The following PPM1A variants were observed in gnomAD, a reference collection of about 807,000 sequenced individuals.
The protein encoded by PPM1A is protein phosphatase, Mg2+/Mn2+ dependent 1A.
A neutral mutation model predicts 35.0 loss-of-function variants in PPM1A; 7 were observed. The ratio of observed to expected loss-of-function variants is 0.20; its 90% CI spans 0.11 to 0.38. The LOEUF is 0.38. PPM1A is among the 10% of genes least tolerant of loss of function. PPM1A has a pLI of 1.00. For missense variants in PPM1A, 239 were observed against 467.8 expected, an observed-to-expected ratio of 0.51 and a Z score of 4.51; for synonymous variants, 153 against 167.3, an observed-to-expected ratio of 0.91 and a Z score of 0.66.
intron 1 of PPM1A, among the ~76,000 whole-genome samples, chr14:60,253,127 TA>T (rs566448840): frequency 6.6e-6 from 1 of 152,256 alleles, no homozygotes; most frequent in Admixed American, 6.5e-5. Flanking sequence ...AAATATGTGA[TA>T]AAGGGGGGAT....
upstream of PPM1A, among the ~76,000 whole-genome samples, chr14:60,249,089 C>T (rs979087529): frequency 3.3e-5 from 5 of 152,002 alleles, no homozygotes; most frequent in African/African-American, 4.8e-5. The surrounding 1 kb of genome is among the most constrained non-coding windows in gnomAD (Gnocchi z 4.5). Flanking sequence ...AGTTCCTGCC[C>T]AACGACATCC....
rs771540938 is a variant in PPM1A, at chr14:60,283,120, T to C, written c.417T>C (p.Thr139=). 8 of 1,614,092 alleles carry C rather than the reference T, an allele frequency of 5.0e-6. No homozygotes were observed. In the Admixed American group the frequency reaches 1.3e-4, roughly 27 times the overall value. Residue 139 remains threonine, a synonymous_variant, in exon 2 of 6, where the codon ACT becomes ACC. Transcript: ENST00000395076. The surrounding 1 kb of genome is among the most constrained non-coding windows in gnomAD (Gnocchi z 6.3). ...GTGTCTTAATTTCTCCCCAACATAC[T>C]TATTTCATTAACTGTGGAGACTCAA... The part of the protein sequence containing the change: ...AVGVLISPQH[T]YFINCGDSRG...
chr14:60,275,452 A>G (rs773002551), intron 1 of PPM1A, among the ~76,000 whole-genome samples: 21 of 152,238 alleles, frequency 1.4e-4, no homozygotes, highest in Admixed American at 7.9e-4. Context: ...CAAGTTATCA[A>G]AATCAAATTT....
upstream of PPM1A, chr14:60,246,114 G>T: frequency 7.1e-7 from 1 of 1,406,962 alleles, no homozygotes; most frequent in Non-Finnish European, 9.5e-7. Flanking sequence ...AGTAGTGACT[G>T]GCTTCAGTGG....
At chr14:60,286,150 A>C (rs1886982386) in intron 3 of PPM1A, 1 of 985,694 alleles carries the variant, frequency 1.0e-6, no homozygotes, top group South Asian at 4.7e-5. Flanking sequence ...ATTAATTTTA[A>C]TCTCTAGGGC....
In PPM1A at chr14:60,296,627, C is replaced by T. The variant is rs1888082914; in HGVS notation, c.*4145C>T. ...TAGAAGCCTAATTTGCTCTTACTTC[C>T]TTCAATTATGTGCCATGTGTTTTGG... On this transcript the variant is annotated 3_prime_UTR_variant, in exon 6 of 6. Transcript: ENST00000395076. This position sits in a 1 kb window ranked among gnomAD's most constrained non-coding sequence, Gnocchi z 4.4. The T allele has an allele frequency of 2.9e-6, 1 of 339,886 alleles. No homozygotes were observed. The highest frequency in any genetic ancestry group is 2.1e-5 in the African/African-American group (1 of 47,466). 21.1% of individuals were successfully genotyped at this position (339,886 alleles called of 1,614,324 possible).
At chr14:60,262,414 T>G (rs1235202750) in intron 1 of PPM1A, among the ~76,000 whole-genome samples, 1 of 152,202 alleles carries the variant, frequency 6.6e-6, no homozygotes, top group Non-Finnish European at 1.5e-5. Flanking sequence ...CCAGGCATAG[T>G]GGCTCAAGCC....
At chr14:60,249,198 G>A, upstream of PPM1A, 4 of 984,364 alleles carry the variant, frequency 4.1e-6, no homozygotes, top group Non-Finnish European at 4.8e-6. The surrounding 1 kb of genome is among the most constrained non-coding windows in gnomAD (Gnocchi z 4.5). Context: ...GCGGTCGTGA[G>A]CGCGCCTGCG....
At chr14:60,245,897 A>C, upstream of PPM1A, 2 of 1,591,076 alleles carry the variant, frequency 1.3e-6, no homozygotes, top group Non-Finnish European at 1.7e-6. The surrounding 1 kb of genome is among the most constrained non-coding windows in gnomAD (Gnocchi z 4.2). Flanking sequence ...ATTTGTACTA[A>C]GCTAATGAAA....
chr14:60,268,592 C>T (rs1245608615), intron 1 of PPM1A, among the ~76,000 whole-genome samples: 1 of 150,208 alleles, frequency 6.7e-6, no homozygotes, highest in Non-Finnish European at 1.5e-5. Context: ...GTGTGTGGTT[C>T]ATTTTTCTTT....
At position 60,282,491 on chromosome 14, in the gene PPM1A, G is replaced by A. The variant is rs1156917944; in HGVS notation, c.-20-193G>A. Among the ~76,000 whole-genome samples, 1 of 152,066 alleles carries A rather than the reference G, an allele frequency of 6.6e-6. No individual in the cohort carries two copies. Among genetic ancestry groups the A allele is most frequent in the Non-Finnish European group, 1.5e-5 (1 of 68,020 alleles). On this transcript the variant is annotated intron_variant, in intron 1 of 5. Transcript: ENST00000395076. The surrounding 1 kb of genome is among the most constrained non-coding windows in gnomAD (Gnocchi z 5.1). ...TTTTTTCTGCCTTTTTGTCTGTTGT[G>A]ATCTGTGCTTCATCAGGCTTTCCCC...
chr14:60,292,602 T>C lies in PPM1A; in HGVS notation c.*120T>C, dbSNP rs1887759448. 1.3e-6 allele frequency: 1 copy of C among 797,108 alleles called. No individual in the cohort carries two copies. Among genetic ancestry groups the C allele is most frequent in the African/African-American group, 1.7e-5 (1 of 57,246 alleles). The allele number at this position is 797,108 out of a possible 1,614,324, so 49.4% of individuals were successfully genotyped here. A position where few individuals can be genotyped will look rare whatever the true frequency, so the allele number is the denominator to read the frequency against. ...GAAGGGGATATGACATGGGTGAGAA[T>C]GATTACATCAGAGAACTTCAGCAGT... is the stretch of plus-strand genomic sequence containing the variant. On this transcript the variant is annotated 3_prime_UTR_variant, in exon 6 of 6. Transcript: ENST00000395076. This position sits in a 1 kb window ranked among gnomAD's most constrained non-coding sequence, Gnocchi z 4.2.
chr14:60,264,847 G>A (rs1412864242), intron 1 of PPM1A, among the ~76,000 whole-genome samples: 1 of 151,440 alleles, frequency 6.6e-6, no homozygotes, highest in African/African-American at 2.4e-5. Flanking sequence ...CACCTATTCT[G>A]GTTTGATTTC....
intron 1 of PPM1A, among the ~76,000 whole-genome samples, chr14:60,265,172 C>T (rs1884225816): frequency 1.3e-5 from 2 of 152,198 alleles, no homozygotes; most frequent in South Asian, 4.1e-4. Flanking sequence ...CAGGATCAGG[C>T]TTCTCTTTCC....
chr14:60,283,127 A>G lies in PPM1A; in HGVS notation c.424A>G (p.Ile142Val). The G allele has an allele frequency of 6.2e-7, 1 of 1,614,220 alleles. No individual in the cohort carries two copies. Among genetic ancestry groups the G allele is most frequent in the Non-Finnish European group, 8.5e-7 (1 of 1,180,034 alleles). Reference sequence around the variant, plus strand: ...AATTTCTCCCCAACATACTTATTTCATTAACTGTGGAGACTCAAGAGGTTT... The same window carrying G: ...AATTTCTCCCCAACATACTTATTTCGTTAACTGTGGAGACTCAAGAGGTTT... ...VLISPQHTYF[I>V]NCGDSRGLLC... is the part of the protein sequence containing the mutation. Residue 142 changes from isoleucine to valine, a missense_variant, in exon 2 of 6, where the codon ATT (isoleucine) becomes GTT (valine). By Grantham distance (29) the Ile-to-Val change is conservative (BLOSUM62 3). This residue lies in a region of PPM1A where 175 missense variants were observed against 389.2 expected (regional missense o/e 0.45). Transcript: ENST00000395076. This position sits in a 1 kb window ranked among gnomAD's most constrained non-coding sequence, Gnocchi z 6.3.
At position 60,282,784 on chromosome 14, in the gene PPM1A, C is replaced by T. The variant is rs1886558304; in HGVS notation, c.81C>T (p.Ser27=). The T allele has an allele frequency of 6.2e-7, 1 of 1,614,212 alleles. No individual in the cohort carries two copies. Among genetic ancestry groups the T allele is most frequent in the Non-Finnish European group, 8.5e-7 (1 of 1,180,054 alleles). Reference sequence around the variant, plus strand: ...GTAATGGGTTGCGATATGGGCTAAGCAGCATGCAAGGCTGGCGTGTTGAAA... The same window carrying T: ...GTAATGGGTTGCGATATGGGCTAAGTAGCATGCAAGGCTGGCGTGTTGAAA... ...GQGNGLRYGL[S]SMQGWRVEME... The change falls in exon 2 of 6, where the codon AGC becomes AGT. Residue 27 remains serine (S), a synonymous_variant. Coordinates refer to ENST00000395076, the MANE Select transcript of PPM1A (RefSeq NM_021003.5). This position sits in a 1 kb window ranked among gnomAD's most constrained non-coding sequence, Gnocchi z 5.1.
intron 1 of PPM1A, among the ~76,000 whole-genome samples, chr14:60,265,593 TG>T (rs1884282187): frequency 1.3e-5 from 2 of 152,240 alleles, no homozygotes; most frequent in South Asian, 4.1e-4. Flanking sequence ...CAAATCCATT[TG>T]GTTGGAAGTT....
In PPM1A at chr14:60,292,355, T is replaced by A. The variant is rs1595379481; in HGVS notation, c.1120-98T>A. On this transcript the variant is annotated intron_variant, in intron 5 of 5. Coordinates refer to ENST00000395076, the MANE Select transcript of PPM1A (RefSeq NM_021003.5). The surrounding 1 kb of genome is among the most constrained non-coding windows in gnomAD (Gnocchi z 4.2). ...AACATTTATATTCTAAAAGTCATCT[T>A]TACAGAACATTATCTTTCTCCATTA... 1 of 889,730 alleles carries A rather than the reference T, an allele frequency of 1.1e-6. No homozygotes were observed. The highest frequency in any genetic ancestry group is 2.5e-5 in the East Asian group (1 of 39,730). The allele number at this position is 889,730 out of a possible 1,614,324, so 55.1% of individuals were successfully genotyped here.
chr14:60,249,778 T>G lies in PPM1A; in HGVS notation c.-21+101T>G. Reference sequence around the variant, plus strand: ...GGGGCCTGTAAACAAGCCGGGCGTCTGCCCGGGCGCTCCCGGGAGGAGACG... The same window carrying G: ...GGGGCCTGTAAACAAGCCGGGCGTCGGCCCGGGCGCTCCCGGGAGGAGACG... On this transcript the variant is annotated intron_variant, in intron 1 of 5. Transcript: ENST00000395076. The surrounding 1 kb of genome is among the most constrained non-coding windows in gnomAD (Gnocchi z 4.5). The G allele has an allele frequency of 1.3e-6, 1 of 747,986 alleles. No homozygotes were observed. Among genetic ancestry groups the G allele is most frequent in the Non-Finnish European group, 1.6e-6 (1 of 613,442 alleles). The allele number at this position is 747,986 out of a possible 1,614,324, so 46.3% of individuals were successfully genotyped here.
Sources: allele counts gnomAD v4.1 joint callset (sites outside exome capture counted in the v4.1 genomes callset), GRCh38; gene constraint gnomAD v4.1.1; regional missense constraint gnomAD v4.1.1; non-coding constraint Gnocchi (gnomAD v3.1); transcripts MANE v1.5; gene names NCBI Gene and HGNC (gene_info 2026-07-23, HGNC 2026-07-21).